The following KIF4A variants were observed in gnomAD, a reference collection of about 807,000 sequenced individuals.
The protein encoded by KIF4A is kinesin family member 4A.
KIF4A carries 7 observed loss-of-function variants against 105.9 expected under a neutral mutation model. The observed-to-expected ratio is 0.07, with a 90% CI of 0.04 to 0.12. The LOEUF is 0.12. Among genes scored for constraint, KIF4A ranks in the 10% least tolerant of loss-of-function variants. KIF4A has a pLI of 1.00. For synonymous variants in KIF4A, 281 were observed against 331.3 expected, an observed-to-expected ratio of 0.85 and a Z score of 1.65; for missense variants, 558 against 929.2, an observed-to-expected ratio of 0.60 and a Z score of 5.19.
intron 7 of KIF4A, among the ~76,000 whole-genome samples, chrX:70,316,005 A>G (rs2085867925): frequency 9.0e-6 from 1 of 111,439 alleles, no homozygotes; most frequent in Non-Finnish European, 1.9e-5. Context: ...CCTTACTCTC[A>G]GGTCTCAGAC....
intron 20 of KIF4A, 100 bp downstream of exon 20, chrX:70,387,397 C>A: frequency 3.5e-6 from 2 of 570,322 alleles, no homozygotes; most frequent in East Asian, 3.6e-5. Context: ...GTAAACACTG[C>A]AAAATCTAAA....
chrX:70,362,301 T>C, intron 15 of KIF4A: 1 of 340,123 alleles, frequency 2.9e-6, no homozygotes, highest in Non-Finnish European at 5.7e-6. Flanking sequence ...GAAACTCAGC[T>C]CTTTCTCCGT....
chrX:70,296,950 G>C, intron 3 of KIF4A, 48 bp from the exon 4 acceptor site: 1 of 1,129,188 alleles, frequency 8.9e-7, no homozygotes, highest in Non-Finnish European at 1.2e-6. Flanking sequence ...ATATTGATTA[G>C]ATGAAAATGT....
At chrX:70,372,918 T>A (rs1167182892) in intron 15 of KIF4A, among the ~76,000 whole-genome samples, 1 of 112,503 alleles carries the variant, frequency 8.9e-6, no homozygotes, top group Non-Finnish European at 1.9e-5. Flanking sequence ...AGAGCTCCCC[T>A]AGATCAAATG....
intron 7 of KIF4A, among the ~76,000 whole-genome samples, chrX:70,309,950 C>T (rs915214600): frequency 8.9e-6 from 1 of 111,897 alleles, no homozygotes; most frequent in Non-Finnish European, 1.9e-5. Context: ...GGCTGAGGCA[C>T]GAGATTTGCT....
rs777974183 is a variant in KIF4A at position 70,415,953 on chromosome X, C to T, written c.3256-1935C>T. Among the ~76,000 whole-genome samples the T allele has an allele frequency of 4.8e-5, 5 of 104,038 alleles. No individual in the cohort carries two copies. In the East Asian group the frequency reaches 1.2e-3, roughly 25 times the overall value. 90.3% of individuals were successfully genotyped at this position (104,038 alleles called of 115,157 possible). A position where few individuals can be genotyped will look rare whatever the true frequency, so the allele number is the denominator to read the frequency against. On this transcript the variant is annotated intron_variant, in intron 28 of 30. Transcript: ENST00000374403. ...CATGATCTTGGCTCACTGCAACCTC[C>T]GCCTCCCGGGTTCAAGCGATTCTCC...
intron 13 of KIF4A, among the ~76,000 whole-genome samples, chrX:70,349,738 G>A (rs1389939253): frequency 4.6e-5 from 3 of 65,438 alleles, no homozygotes; most frequent in African/African-American, 6.7e-5. Flanking sequence ...ACGGGGTGGC[G>A]GCCAGGCAGA....
intron 7 of KIF4A, among the ~76,000 whole-genome samples, chrX:70,319,262 C>T (rs778106942): frequency 2.7e-5 from 3 of 109,696 alleles, no homozygotes; most frequent in Non-Finnish European, 5.7e-5. Flanking sequence ...GACTCCGTCT[C>T]AAAAAAAAGA....
chrX:70,407,169 G>T (rs747069002), intron 28 of KIF4A, 94 bp downstream of exon 28: 32 of 945,649 alleles, frequency 3.4e-5, no homozygotes, highest in Non-Finnish European at 4.1e-5. Context: ...GTACAGTGGT[G>T]CATTCTCGGC....
At chrX:70,305,480 A>G (rs758310027) in intron 7 of KIF4A, among the ~76,000 whole-genome samples, 90 of 112,345 alleles carry the variant, frequency 8.0e-4, no homozygotes, top group Non-Finnish European at 1.5e-3. Flanking sequence ...CTTCTTTCAC[A>G]TAGCATAATG....
At chrX:70,317,219 A>G (rs1034908975) in intron 7 of KIF4A, among the ~76,000 whole-genome samples, 1 of 111,258 alleles carries the variant, frequency 9.0e-6, no homozygotes, top group Middle Eastern at 4.7e-3. Context: ...AATTCCTTTA[A>G]TCCTGAATCC....
rs1463608176 is a variant in KIF4A, at chrX:70,297,116, A to G, written c.354A>G (p.Val118=). 4.1e-6 allele frequency: 5 copies of G among 1,211,359 alleles called. No individual in the cohort carries two copies. In the East Asian group the frequency reaches 1.2e-4, roughly 29 times the overall value. ...NEPTVGVIPR[V]IQLLFKEIDK... is the part of the protein sequence containing the mutation. ...CAACAGTTGGGGTTATTCCTAGGGTAATACAACTGCTCTTCAAAGAAATTG... is the reference window on the plus strand; with the variant it reads ...CAACAGTTGGGGTTATTCCTAGGGTGATACAACTGCTCTTCAAAGAAATTG... The change falls in exon 4 of 31, where the codon GTA becomes GTG. Residue 118 remains valine, a synonymous_variant. Transcript: ENST00000374403.
At chrX:70,386,388 C>CTCAA (rs1198231584) in intron 18 of KIF4A, among the ~76,000 whole-genome samples, 2 of 111,453 alleles carry the variant, frequency 1.8e-5, no homozygotes, top group African/African-American at 3.3e-5. Context: ...ATGACTGAGA[C>CTCAA]TCAAGAATTT....
At chrX:70,337,979 T>TTA (rs1417128084) in intron 10 of KIF4A, among the ~76,000 whole-genome samples, 1 of 111,892 alleles carries the variant, frequency 8.9e-6, no homozygotes, top group Non-Finnish European at 1.9e-5. Flanking sequence ...TGACAATTCT[T>TTA]TATATATTCG....
intron 22 of KIF4A, among the ~76,000 whole-genome samples, chrX:70,396,889 G>A (rs1160048666): frequency 9.0e-6 from 1 of 110,847 alleles, no homozygotes; most frequent in African/African-American, 3.3e-5. Flanking sequence ...GGCCAACATG[G>A]TGAAACCCTT....
At chrX:70,363,131 T>C (rs1358930554) in intron 15 of KIF4A, among the ~76,000 whole-genome samples, 3 of 111,615 alleles carry the variant, frequency 2.7e-5, no homozygotes, top group Non-Finnish European at 5.6e-5. Context: ...TAATGAAGAT[T>C]ACCATGAGTT....
chrX:70,316,804 A>G (rs1432298746), intron 7 of KIF4A, among the ~76,000 whole-genome samples: 4 of 111,849 alleles, frequency 3.6e-5, no homozygotes, highest in Non-Finnish European at 5.6e-5. Context: ...GGACTCCTTC[A>G]TGTCTGACTT....
chrX:70,315,249 C>A (rs1046589256), intron 7 of KIF4A, among the ~76,000 whole-genome samples: 27 of 111,555 alleles, frequency 2.4e-4, no homozygotes, highest in Non-Finnish European at 4.1e-4. Context: ...AAGAAAGTTA[C>A]CTCTGCCAAT....
rs1245592454 is a variant in KIF4A at position 70,326,174 on chromosome X, G to T, written c.779-3231G>T. ...TTACTCAGCCATTCTACCTGCTTTA[G>T]GCCCATACATATTTTCTTCACACGT... On this transcript the variant is annotated intron_variant, in intron 7 of 30. Coordinates refer to ENST00000374403, the MANE Select transcript of KIF4A (RefSeq NM_012310.5). Among the ~76,000 whole-genome samples the T allele has an allele frequency of 2.7e-5, 3 of 111,990 alleles. No homozygotes were observed. The East Asian group carries it at 8.4e-4, about 31-fold the overall frequency.
Sources: allele counts gnomAD v4.1 joint callset (sites outside exome capture counted in the v4.1 genomes callset), GRCh38; gene constraint gnomAD v4.1.1; transcripts MANE v1.5; gene names NCBI Gene and HGNC (gene_info 2026-07-23, HGNC 2026-07-21).